The following SYNE2 variants were observed in gnomAD, a reference collection of about 807,000 sequenced individuals.
SYNE2 encodes spectrin repeat containing nuclear envelope protein 2.
A neutral mutation model predicts 856.3 loss-of-function variants in SYNE2; 431 were observed. The ratio of observed to expected loss-of-function variants is 0.50; its 90% CI spans 0.47 to 0.55. The LOEUF (loss-of-function observed/expected upper bound fraction) is 0.55, where lower values mean the gene tolerates loss of function less well. SYNE2 is among the 20% of genes least tolerant of loss of function. SYNE2 has a pLI of 0.00. For missense variants in SYNE2, 8,129 were observed against 8,023.2 expected (o/e 1.01, Z -0.50); for synonymous variants, 2,923 against 2,872.3 (o/e 1.02, Z -0.56).
At position 64,003,261 on chromosome 14, in the gene SYNE2, T is replaced by C. The variant is rs965897725; in HGVS notation, c.4328T>C (p.Ile1443Thr). 6.2e-7 allele frequency: 1 copy of C among 1,613,904 alleles called. No individual in the cohort carries two copies. The highest frequency in any genetic ancestry group is 8.5e-7 in the Non-Finnish European group (1 of 1,179,976). The change falls in exon 30 of 116, where the codon ATT becomes ACT. Residue 1443 changes from isoleucine to threonine, a missense_variant. By Grantham distance (89) the Ile-to-Thr change is moderately conservative (BLOSUM62 -1). Transcript: ENST00000555002. ...IFKNNELLKN[I>T]QDVQSQISKI... ...AAAAATAATGAACTCCTTAAAAATA[T>C]TCAAGATGTGCAGAGTCAAATCAGT...
intron 2 of SYNE2, among the ~76,000 whole-genome samples, chr14:63,938,944 G>A (rs187506669): frequency 2.8e-4 from 42 of 152,014 alleles, no homozygotes; most frequent in African/African-American, 8.0e-4. Context: ...GTGTGTGTGC[G>A]TGTGTGCATG....
At chr14:64,144,578 A>G (rs2098165931) in intron 83 of SYNE2, among the ~76,000 whole-genome samples, 1 of 152,186 alleles carries the variant, frequency 6.6e-6, no homozygotes, top group Non-Finnish European at 1.5e-5. Context: ...CAGATACTCA[A>G]AATAAACACT....
intron 2 of SYNE2, among the ~76,000 whole-genome samples, chr14:63,915,188 A>ATG (rs2095519998): frequency 6.6e-6 from 1 of 152,218 alleles, no homozygotes; most frequent in Non-Finnish European, 1.5e-5. Flanking sequence ...GTACTTTACA[A>ATG]AGAAACTCTT....
chr14:64,012,746 T>C (rs148197026), intron 32 of SYNE2, among the ~76,000 whole-genome samples: 105 of 152,368 alleles, frequency 6.9e-4, no homozygotes, highest in African/African-American at 2.3e-3. Flanking sequence ...AATACACTAT[T>C]GTTTAATTCT....
chr14:64,158,512 A>G (rs995142537), intron 85 of SYNE2, 113 bp from the exon 86 acceptor site: 8 of 1,139,756 alleles, frequency 7.0e-6, no homozygotes, highest in South Asian at 1.3e-5. Flanking sequence ...ATCACTGGTG[A>G]TCCTTCAATA....
intron 65 of SYNE2, among the ~76,000 whole-genome samples, chr14:64,112,861 A>C (rs1431998577): frequency 2.0e-5 from 3 of 152,254 alleles, no homozygotes; most frequent in South Asian, 2.1e-4. Flanking sequence ...GAAGATGTCA[A>C]GTTAAAATTA....
intron 31 of SYNE2, among the ~76,000 whole-genome samples, chr14:64,009,490 C>T (rs777701198): frequency 3.2e-4 from 43 of 132,812 alleles, no homozygotes; most frequent in Non-Finnish European, 6.0e-4. Context: ...GAGCCAGGAT[C>T]ACACCACTGC....
chr14:64,100,200 AATC>A (rs1307334955), intron 63 of SYNE2: 1 of 152,002 alleles, frequency 6.6e-6, no homozygotes, highest in East Asian at 1.9e-4. Context: ...TGAAATTGAA[AATC>A]ATCATTCTCA....
chr14:63,907,965 A>C (rs2095428363), intron 1 of SYNE2, among the ~76,000 whole-genome samples: 1 of 152,202 alleles, frequency 6.6e-6, no homozygotes, highest in African/African-American at 2.4e-5. Flanking sequence ...ACAGTGATCC[A>C]TGCAAGAGCT....
At chr14:64,147,743 GCAGA>G (rs1479223736) in intron 84 of SYNE2, among the ~76,000 whole-genome samples, 2 of 152,170 alleles carry the variant, frequency 1.3e-5, no homozygotes, top group Non-Finnish European at 2.9e-5. Context: ...TGCATGAAAG[GCAGA>G]CATAGTAATA....
At chr14:63,818,102 T>A (rs958728887) in intron 1 of SYNE2, among the ~76,000 whole-genome samples, 7 of 150,738 alleles carry the variant, frequency 4.6e-5, no homozygotes, top group Admixed American at 3.3e-4. Flanking sequence ...TCCCAGCACT[T>A]TGGGAGGCCG....
chr14:64,038,072 C>T (rs2097111874), intron 45 of SYNE2, among the ~76,000 whole-genome samples: 2 of 151,864 alleles, frequency 1.3e-5, no homozygotes, highest in East Asian at 2.0e-4. Flanking sequence ...GGAGGGTCTC[C>T]TCACTTCTCA....
At chr14:63,926,134 G>A (rs925387181) in intron 2 of SYNE2, among the ~76,000 whole-genome samples, 6 of 151,952 alleles carry the variant, frequency 3.9e-5, no homozygotes, top group East Asian at 1.9e-4. Flanking sequence ...GTGAGCCACC[G>A]CACCTGGCTA....
chr14:63,935,573 G>A (rs889214593), intron 2 of SYNE2, among the ~76,000 whole-genome samples: 2 of 152,162 alleles, frequency 1.3e-5, no homozygotes, highest in Non-Finnish European at 2.9e-5. Flanking sequence ...ATGACTATTA[G>A]ATAGAGATTA....
intron 66 of SYNE2, among the ~76,000 whole-genome samples, chr14:64,116,644 G>C (rs111778934): frequency 0.04 from 6,062 of 152,228 alleles, 151 homozygotes; most frequent in African/African-American, 0.046. Context: ...TCGAACTCCT[G>C]ACCTCAGGTG....
At chr14:64,096,452 C>T (rs764172259) in intron 61 of SYNE2, among the ~76,000 whole-genome samples, 1 of 152,182 alleles carries the variant, frequency 6.6e-6, no homozygotes, top group Non-Finnish European at 1.5e-5. Context: ...GCAGATGCTG[C>T]TTTGAGAGCA....
chr14:64,038,353 C>A (rs1321896109), intron 45 of SYNE2, among the ~76,000 whole-genome samples: 1 of 152,132 alleles, frequency 6.6e-6, no homozygotes, highest in Non-Finnish European at 1.5e-5. Flanking sequence ...TCCTCACTTT[C>A]CAGACTGGGC....
chr14:63,976,504 G>T, intron 11 of SYNE2, 59 bp from the exon 12 acceptor site: 2 of 1,549,650 alleles, frequency 1.3e-6, no homozygotes, highest in Non-Finnish European at 1.8e-6. Context: ...TGTATGTGAA[G>T]AAATAAACTA....
intron 1 of SYNE2, among the ~76,000 whole-genome samples, chr14:63,768,183 A>C (rs557993504): frequency 6.6e-6 from 1 of 151,860 alleles, no homozygotes; most frequent in Non-Finnish European, 1.5e-5. Flanking sequence ...AAGTGAGACC[A>C]TGTCTCAAAA....
Sources: gnomAD v4.1 joint callset for allele counts (sites outside exome capture counted in the v4.1 genomes callset) on GRCh38, gnomAD v4.1.1 for gene constraint, MANE v1.5 for transcripts, NCBI Gene and HGNC (gene_info 2026-07-23, HGNC 2026-07-21) for gene names.